The following SYCP2L variants were observed in gnomAD, a reference collection of about 807,000 sequenced individuals.
SYCP2L encodes synaptonemal complex protein 2-like.
A neutral mutation model predicts 125.8 loss-of-function variants in SYCP2L; 98 were observed. The observed-to-expected ratio is 0.78, with a 90% CI of 0.66 to 0.92. The LOEUF (loss-of-function observed/expected upper bound fraction) is 0.92. SYCP2L is among the 40% of genes least tolerant of loss of function. The pLI is 0.00. For missense variants in SYCP2L, 842 were observed against 936.4 expected (o/e 0.90, Z 1.32); for synonymous variants, 317 against 325.4 (o/e 0.97, Z 0.28).
At chr6:10,906,833 C>A (rs28575142) in intron 9 of SYCP2L, among the ~76,000 whole-genome samples, 70,137 of 151,302 alleles carry the variant, frequency 0.46, 16,509 homozygotes, top group Admixed American at 0.52. Context: ...TCCTGACCTC[C>A]GGTGATCCTC....
intron 18 of SYCP2L, 156 bp from the exon 19 acceptor site, chr6:10,930,214 T>A (rs1449198654): frequency 3.0e-6 from 2 of 665,164 alleles, no homozygotes; most frequent in African/African-American, 3.7e-5. Flanking sequence ...AATCCTTTTC[T>A]TCCACTCCAT....
chr6:10,927,423 G>A, intron 17 of SYCP2L, 56 bp downstream of exon 17: 1 of 1,433,642 alleles, frequency 7.0e-7, no homozygotes, highest in East Asian at 2.4e-5. Flanking sequence ...TAAAGGGACG[G>A]ACTACAAAAG....
chr6:10,953,813 A>C (rs1427391020), intron 23 of SYCP2L, among the ~76,000 whole-genome samples: 1 of 152,228 alleles, frequency 6.6e-6, no homozygotes, highest in Non-Finnish European at 1.5e-5. Flanking sequence ...AAGGCTGAGA[A>C]GAAAATTAAG....
intron 29 of SYCP2L, among the ~76,000 whole-genome samples, chr6:10,964,216 C>G (rs1781641788): frequency 2.0e-5 from 3 of 152,190 alleles, no homozygotes; most frequent in Non-Finnish European, 4.4e-5. Context: ...CCTGGCCTCC[C>G]AAAGTGCTGG....
At position 10,900,165 on chromosome 6, in the gene SYCP2L, T is replaced by G. The variant is rs1311468712; in HGVS notation, c.466+1317T>G. Among the ~76,000 whole-genome samples the G allele has an allele frequency of 2.6e-5, 4 of 152,174 alleles. No homozygotes were observed. In the East Asian group the frequency reaches 7.7e-4, roughly 29 times the overall value. On this transcript the variant is annotated intron_variant, in intron 6 of 29. Transcript: ENST00000283141. ...GACAAAATGCCATCAATTGGGAGGC[T>G]AAGCCAACAGACATTTATCTCTGGA...
At chr6:10,971,694 G>GTTTTTGT in intron 29 of SYCP2L, among the ~76,000 whole-genome samples, 1 of 151,422 alleles carries the variant, frequency 6.6e-6, no homozygotes, top group South Asian at 2.1e-4. Flanking sequence ...TTTTGTTTTT[G>GTTTTTGT]TTTTTTTGAG....
chr6:10,895,313 C>T (rs1242647638), intron 4 of SYCP2L, among the ~76,000 whole-genome samples: 1 of 152,184 alleles, frequency 6.6e-6, no homozygotes, highest in African/African-American at 2.4e-5. Flanking sequence ...TGGCCAGTTG[C>T]CATGAGAGCA....
chr6:10,961,457 A>G (rs747990105), intron 27 of SYCP2L, 43 bp from the exon 28 acceptor site: 1 of 1,613,710 alleles, frequency 6.2e-7, no homozygotes. Context: ...TCCCAGGGAA[A>G]AATAACGCTA....
chr6:10,890,687 G>A (rs1033535206), intron 1 of SYCP2L, among the ~76,000 whole-genome samples: 2 of 152,028 alleles, frequency 1.3e-5, no homozygotes, highest in Admixed American at 6.6e-5. Flanking sequence ...AAGCTTTTTG[G>A]TCTGTATAAT....
At chr6:10,932,996 C>T (rs960705667) in intron 20 of SYCP2L, among the ~76,000 whole-genome samples, 18 of 152,312 alleles carry the variant, frequency 1.2e-4, no homozygotes, top group African/African-American at 4.1e-4. Context: ...TCAAGTGATC[C>T]ACCTGCCTTG....
chr6:10,931,434 A>T lies in SYCP2L; in HGVS notation c.1634-6A>T. ...TATGTTGTGCACTTGTTTTCTTTCA[A>T]TTTAGTCTTGCCAGTTTTCCCTCCC... On this transcript the variant is annotated splice_polypyrimidine_tract_variant and splice_region_variant and intron_variant, in intron 19 of 29. Coordinates refer to ENST00000283141, the MANE Select transcript of SYCP2L (RefSeq NM_001040274.3). 1 of 1,614,086 alleles carries T rather than the reference A, an allele frequency of 6.2e-7. No homozygotes were observed. Among genetic ancestry groups the T allele is most frequent in the Non-Finnish European group, 8.5e-7 (1 of 1,179,954 alleles).
rs371131112 is a variant in SYCP2L, at chr6:10,956,148, C to T, written c.2069C>T (p.Thr690Ile). The T allele has an allele frequency of 1.4e-5, 23 of 1,613,426 alleles. No homozygotes were observed. The highest frequency in any genetic ancestry group is 1.7e-5 in the Admixed American group (1 of 59,982). Reference sequence around the variant, plus strand: ...TTTTGTTTTCCAGAAGGAATTTCCACTTCATCCCTAGAAGTTGTGCCAGAG... The same window carrying T: ...TTTTGTTTTCCAGAAGGAATTTCCATTTCATCCCTAGAAGTTGTGCCAGAG... ...EERELPEGIS[T>I]SSLEVVPENL... is the part of the protein sequence containing the mutation. The change falls in exon 25 of 30, where the codon ACT becomes ATT. Residue 690 changes from threonine to isoleucine, a missense_variant. Coordinates refer to ENST00000283141, the MANE Select transcript of SYCP2L (RefSeq NM_001040274.3).
chr6:10,939,585 C>A (rs529334606), intron 21 of SYCP2L, among the ~76,000 whole-genome samples: 6 of 152,130 alleles, frequency 3.9e-5, no homozygotes, highest in Non-Finnish European at 8.8e-5. Flanking sequence ...TATATGGCCA[C>A]TTAATCTTTG....
intron 6 of SYCP2L, among the ~76,000 whole-genome samples, chr6:10,901,775 T>C (rs1026157477): frequency 6.6e-6 from 1 of 152,236 alleles, no homozygotes; most frequent in African/African-American, 2.4e-5. Flanking sequence ...CTAGTTCAAA[T>C]AGGCTTAAAT....
chr6:10,921,040 C>T (rs187411023), intron 14 of SYCP2L, among the ~76,000 whole-genome samples: 8 of 152,278 alleles, frequency 5.3e-5, no homozygotes, highest in Non-Finnish European at 1.0e-4. Flanking sequence ...GATGTTCTCC[C>T]CCAACATACC....
intron 21 of SYCP2L, among the ~76,000 whole-genome samples, chr6:10,939,982 C>G (rs540912810): frequency 6.6e-6 from 1 of 152,090 alleles, no homozygotes; most frequent in Non-Finnish European, 1.5e-5. Context: ...AAAATAACTT[C>G]CACAACTCAA....
At chr6:10,959,869 C>CAA (rs201059528) in intron 26 of SYCP2L, among the ~76,000 whole-genome samples, 4,040 of 126,154 alleles carry the variant, frequency 0.032, 100 homozygotes, top group African/African-American at 0.071. Flanking sequence ...AACTCTGTCT[C>CAA]AAAAAAAAAA....
At chr6:10,911,894 C>CTTTCTCTTTTTT (rs377600077) in intron 12 of SYCP2L, among the ~76,000 whole-genome samples, 1 of 50,020 alleles carries the variant, frequency 2.0e-5, no homozygotes, top group East Asian at 4.4e-4. Context: ...GGAATAAAAG[C>CTTTCTCTTTTTT]TTTTTTTTTT....
At chr6:10,958,180 TATAA>T (rs1247917863) in intron 25 of SYCP2L, among the ~76,000 whole-genome samples, 4 of 151,992 alleles carry the variant, frequency 2.6e-5, no homozygotes, top group East Asian at 3.9e-4. Flanking sequence ...CTTGAATTGC[TATAA>T]ATAAATACCC....
Sources: allele counts gnomAD v4.1 joint callset (sites outside exome capture counted in the v4.1 genomes callset), GRCh38; gene constraint gnomAD v4.1.1; transcripts MANE v1.5; gene names NCBI Gene and HGNC (gene_info 2026-07-23, HGNC 2026-07-21).